Variants in NTSR1 observed in about 807,000 individuals in gnomAD.
The protein encoded by NTSR1 is neurotensin receptor 1.
In NTSR1, 29 loss-of-function variants were observed where a neutral mutation model predicts 31.2. The ratio of observed to expected loss-of-function variants is 0.93; its 90% CI spans 0.69 to 1.27. NTSR1 has a LOEUF of 1.27. Among genes scored for constraint, NTSR1 ranks in the 50% most tolerant of loss-of-function variants. The probability of loss-of-function intolerance (pLI) is 0.00; values close to 1 mark genes in which losing one functional copy is unlikely to be tolerated. For missense variants in NTSR1, 697 were observed against 595.4 expected (o/e 1.17, Z -1.78); for synonymous variants, 282 against 269.9 (o/e 1.04, Z -0.44).
chr20:62,737,103 C>G (rs1009119219), intron 1 of NTSR1, among the ~76,000 whole-genome samples: 2 of 152,194 alleles, frequency 1.3e-5, no homozygotes, highest in African/African-American at 2.4e-5. Context: ...TAGAGCAGTG[C>G]GAAAATGGAC....
At chr20:62,751,287 G>A (rs73918676) in intron 1 of NTSR1, among the ~76,000 whole-genome samples, 12,987 of 152,158 alleles carry the variant, frequency 0.085, 708 homozygotes, top group African/African-American at 0.16. Flanking sequence ...GTAATGTTAC[G>A]GTTTTTGGTT....
Position 62,732,979 on chromosome 20 carries a change from G to C in NTSR1, c.715-21706G>C, listed in dbSNP as rs932676992. 3.3e-5 allele frequency: 5 copies of C among 151,982 alleles called. No individual in the cohort carries two copies. Among genetic ancestry groups the C allele is most frequent in the African/African-American group, 1.2e-4 (5 of 41,372 alleles). The allele number at this position is 151,982 out of a possible 1,614,324, so 9.4% of individuals were successfully genotyped here. On this transcript the variant is annotated intron_variant, in intron 1 of 3. Transcript: ENST00000370501. This position sits in a 1 kb window ranked among gnomAD's most constrained non-coding sequence, Gnocchi z 4.0. ...TGACGTCGCCTAAAGGGGGTTCCCA[G>C]CTGGCAGCCTCCAGGTGCTGGAATG...
At chr20:62,755,234 T>C (rs1600736647) in intron 2 of NTSR1, among the ~76,000 whole-genome samples, 1 of 108,676 alleles carries the variant, frequency 9.2e-6, no homozygotes, top group Non-Finnish European at 2.0e-5. Flanking sequence ...TCTCCCTCCT[T>C]CCCTCCATTC....
rs907229141 is a variant in NTSR1 at position 62,711,031 on chromosome 20, C to T, written c.714+1110C>T. Among the ~76,000 whole-genome samples the T allele has an allele frequency of 5.9e-5, 9 of 152,198 alleles. No homozygotes were observed. Among genetic ancestry groups the T allele is most frequent in the African/African-American group, 9.7e-5 (4 of 41,446 alleles). ...CTTCTGTAGTTGCCTGGGCACCCCGCGTATGCCAGTATGCCCGGTGGGGGT... is the reference window on the plus strand; with the variant it reads ...CTTCTGTAGTTGCCTGGGCACCCCGTGTATGCCAGTATGCCCGGTGGGGGT... On this transcript the variant is annotated intron_variant, in intron 1 of 3. Transcript: ENST00000370501. The surrounding 1 kb of genome is among the most constrained non-coding windows in gnomAD (Gnocchi z 6.4).
rs955587849 is a variant in NTSR1 at position 62,744,963 on chromosome 20, G to A, written c.715-9722G>A. 6.6e-6 allele frequency among the ~76,000 whole-genome samples: 1 copy of A among 152,292 alleles called. No individual in the cohort carries two copies. Among genetic ancestry groups the A allele is most frequent in the Non-Finnish European group, 1.5e-5 (1 of 68,016 alleles). On this transcript the variant is annotated intron_variant, in intron 1 of 3. Coordinates refer to ENST00000370501, the MANE Select transcript of NTSR1 (RefSeq NM_002531.3). The surrounding 1 kb of genome is among the most constrained non-coding windows in gnomAD (Gnocchi z 4.1). ...CAGCAGAGGATACTGCCAGAAGCAC[G>A]AATGAGATTCCCATGGAGGCAGCCC...
At chr20:62,730,751 G>C (rs532469107) in intron 1 of NTSR1, among the ~76,000 whole-genome samples, 1 of 152,354 alleles carries the variant, frequency 6.6e-6, no homozygotes, top group South Asian at 2.1e-4. Context: ...CCAGCGTTTG[G>C]TGTCGTCAGG....
chr20:62,755,349 CTCTCTCCCTTCCTCCCTTCA>C, intron 2 of NTSR1, among the ~76,000 whole-genome samples: 2 of 66,744 alleles, frequency 3.0e-5, no homozygotes, highest in Non-Finnish European at 3.1e-5. Context: ...CCATCCATCC[CTCTCTCCCTTCCTCCCTTCA>C]TCCCTCCATC....
In NTSR1 at chr20:62,758,399, T is replaced by G. The variant is rs1989553421; in HGVS notation, c.1007+43T>G. The G allele has an allele frequency of 1.9e-6, 3 of 1,560,288 alleles. No individual in the cohort carries two copies. The highest frequency in any genetic ancestry group is 2.6e-6 in the Non-Finnish European group (3 of 1,132,950). ...GGAAGTTGGGTGCTGGACAAGTAAG[T>G]GCTCCCAAAACAGATGGTGGGTGTG... On this transcript the variant is annotated intron_variant, in intron 3 of 3. Transcript: ENST00000370501. The surrounding 1 kb of genome is among the most constrained non-coding windows in gnomAD (Gnocchi z 4.5).
chr20:62,750,770 TAATC>T (rs141201767), intron 1 of NTSR1, among the ~76,000 whole-genome samples: 2,155 of 150,648 alleles, frequency 0.014, 47 homozygotes, highest in African/African-American at 0.049. Context: ...GTTCCCACCA[TAATC>T]AACGGGGGTA....
In NTSR1 at chr20:62,709,036, G is replaced by C; in HGVS notation, c.-172G>C. 2.1e-6 allele frequency: 1 copy of C among 481,376 alleles called. No individual in the cohort carries two copies. Among genetic ancestry groups the C allele is most frequent in the East Asian group, 3.6e-5 (1 of 27,804 alleles). 29.8% of individuals were successfully genotyped at this position (481,376 alleles called of 1,614,324 possible). On this transcript the variant is annotated 5_prime_UTR_variant, in exon 1 of 4. Coordinates refer to ENST00000370501, the MANE Select transcript of NTSR1 (RefSeq NM_002531.3). The stretch of plus-strand genomic sequence containing the variant: ...AGCGGAGCCCGGAGCCCGGAGCCCG[G>C]GGCGGCGCGTCTGGGTCTGGCGCTT...
In NTSR1 at chr20:62,714,769, G is replaced by A. The variant is rs553560801; in HGVS notation, c.714+4848G>A. Among the ~76,000 whole-genome samples the A allele has an allele frequency of 2.0e-5, 3 of 152,314 alleles. No homozygotes were observed. Among genetic ancestry groups the A allele is most frequent in the South Asian group, 2.1e-4 (1 of 4,828 alleles). On this transcript the variant is annotated intron_variant, in intron 1 of 3. Coordinates refer to ENST00000370501, the MANE Select transcript of NTSR1 (RefSeq NM_002531.3). The surrounding 1 kb of genome is among the most constrained non-coding windows in gnomAD (Gnocchi z 4.1). ...TACAAACAGTGAGGGAATCGGAGAC[G>A]GTGGCCTGGTTTCTTAGCAAAGACT...
chr20:62,726,516 A>G (rs1311175278), intron 1 of NTSR1, among the ~76,000 whole-genome samples: 1 of 152,116 alleles, frequency 6.6e-6, no homozygotes, highest in Non-Finnish European at 1.5e-5. Flanking sequence ...AGAATCAGCC[A>G]TCCCAGGCAT....
At position 62,758,320 on chromosome 20, in the gene NTSR1, T is replaced by G; in HGVS notation, c.971T>G (p.Leu324Arg). 6.2e-7 allele frequency: 1 copy of G among 1,613,780 alleles called. No individual in the cohort carries two copies. Among genetic ancestry groups the G allele is most frequent in the Non-Finnish European group, 8.5e-7 (1 of 1,179,982 alleles). ...VCWLPYHVRR[L>R]MFCYISDEQW... Reference sequence around the variant, plus strand: ...TGGCTGCCCTACCACGTGCGGCGCCTCATGTTCTGCTACATCTCGGATGAG... The same window carrying G: ...TGGCTGCCCTACCACGTGCGGCGCCGCATGTTCTGCTACATCTCGGATGAG... Residue 324 changes from leucine (L) to arginine (R), a missense_variant, in exon 3 of 4, where the codon CTC (leucine) becomes CGC (arginine). Coordinates refer to ENST00000370501, the MANE Select transcript of NTSR1 (RefSeq NM_002531.3). This position sits in a 1 kb window ranked among gnomAD's most constrained non-coding sequence, Gnocchi z 4.5.
At position 62,758,845 on chromosome 20, in the gene NTSR1, G is replaced by A. The variant is rs767244138; in HGVS notation, c.1007+489G>A. The stretch of plus-strand genomic sequence containing the variant: ...AAAAGACACATGGAGTGGGGTCAGC[G>A]GAAGACCAGATGCAGCTTCCAGGGC... On this transcript the variant is annotated intron_variant, in intron 3 of 3. Coordinates refer to ENST00000370501, the MANE Select transcript of NTSR1 (RefSeq NM_002531.3). The surrounding 1 kb of genome is among the most constrained non-coding windows in gnomAD (Gnocchi z 4.5). Among the ~76,000 whole-genome samples the A allele has an allele frequency of 1.3e-5, 2 of 152,306 alleles. No homozygotes were observed. The highest frequency in any genetic ancestry group is 2.9e-5 in the Non-Finnish European group (2 of 68,012).
intron 1 of NTSR1, among the ~76,000 whole-genome samples, chr20:62,727,397 A>G (rs1422102811): frequency 6.6e-6 from 1 of 152,202 alleles, no homozygotes; most frequent in East Asian, 1.9e-4. Flanking sequence ...TGGAGTGAGG[A>G]GTGAACACTG....
chr20:62,722,529 G>A lies in NTSR1; in HGVS notation c.714+12608G>A, dbSNP rs369194348. ...AAGCCGGTGTAGGCTTCTGAGGACC[G>A]TCACCATGCAGTCCCCCTCTCTAGC... On this transcript the variant is annotated intron_variant, in intron 1 of 3. Coordinates refer to ENST00000370501, the MANE Select transcript of NTSR1 (RefSeq NM_002531.3). Among the ~76,000 whole-genome samples the A allele has an allele frequency of 9.2e-5, 14 of 152,288 alleles. No individual in the cohort carries two copies. In the South Asian group the frequency reaches 1.5e-3, roughly 16 times the overall value.
In NTSR1 at chr20:62,741,177, C is replaced by T. The variant is rs879942555; in HGVS notation, c.715-13508C>T. ...CCTCTGGGCTAAGTCAGGGGTCTCC[C>T]GGCAGCCAGGCTGCTAAGTCAGGGG... is the stretch of plus-strand genomic sequence containing the variant. On this transcript the variant is annotated intron_variant, in intron 1 of 3. Coordinates refer to ENST00000370501, the MANE Select transcript of NTSR1 (RefSeq NM_002531.3). The surrounding 1 kb of genome is among the most constrained non-coding windows in gnomAD (Gnocchi z 4.3). 1.3e-5 allele frequency among the ~76,000 whole-genome samples: 2 copies of T among 150,644 alleles called. No individual in the cohort carries two copies. Among genetic ancestry groups the T allele is most frequent in the African/African-American group, 2.4e-5 (1 of 41,356 alleles).
At position 62,760,678 on chromosome 20, in the gene NTSR1, ATC is replaced by A. The variant is rs1221329375; in HGVS notation, c.*415_*416del. 26 of 170,882 alleles carry A rather than the reference ATC, an allele frequency of 1.5e-4. No homozygotes were observed. In the South Asian group the frequency reaches 1.6e-3, roughly 11 times the overall value. The allele number at this position is 170,882 out of a possible 1,614,324, so 10.6% of individuals were successfully genotyped here. The stretch of plus-strand genomic sequence containing the variant: ...GCCCGGCTGCTGTTCCCATGTCCAC[ATC>A]TCTGAGGCCTGCACCCCCTCTGTCT... On this transcript the variant is annotated 3_prime_UTR_variant, in exon 4 of 4. Coordinates refer to ENST00000370501, the MANE Select transcript of NTSR1 (RefSeq NM_002531.3).
At chr20:62,725,826 T>G in intron 1 of NTSR1, among the ~76,000 whole-genome samples, 2 of 150,654 alleles carry the variant, frequency 1.3e-5, no homozygotes, top group African/African-American at 2.5e-5. Flanking sequence ...AGGGGGAGGT[T>G]GGAGGAGTGA....
Sources: allele counts gnomAD v4.1 joint callset (sites outside exome capture counted in the v4.1 genomes callset), GRCh38; gene constraint gnomAD v4.1.1; non-coding constraint Gnocchi (gnomAD v3.1); transcripts MANE v1.5; gene names NCBI Gene and HGNC (gene_info 2026-07-23, HGNC 2026-07-21).